TMEM248: variants seen among roughly 807,000 people sequenced by gnomAD.
The protein encoded by TMEM248 is transmembrane protein 248.
TMEM248 carries 9 observed loss-of-function variants against 30.3 expected under a neutral mutation model. The ratio of observed to expected loss-of-function variants is 0.30; its 90% confidence interval spans 0.18 to 0.52. The LOEUF is 0.52. Among genes scored for constraint, TMEM248 ranks in the 20% least tolerant of loss-of-function variants. The probability of loss-of-function intolerance (pLI) is 0.97; values close to 1 mark genes in which losing one functional copy is unlikely to be tolerated. For synonymous variants in TMEM248, 184 were observed against 154.4 expected (o/e 1.19, Z -1.42); for missense variants, 338 against 403.3 (o/e 0.84, Z 1.39).
At chr7:66,944,534 A>T (rs1792044203) in intron 2 of TMEM248, among the ~76,000 whole-genome samples, 1 of 152,218 alleles carries the variant, frequency 6.6e-6, no homozygotes, top group Non-Finnish European at 1.5e-5. Flanking sequence ...AGGTGTATGG[A>T]ATTGACCTTT....
chr7:66,938,055 T>C (rs1423959581), intron 1 of TMEM248, among the ~76,000 whole-genome samples: 2 of 152,148 alleles, frequency 1.3e-5, no homozygotes, highest in African/African-American at 4.8e-5. Flanking sequence ...ATGTGTGTCT[T>C]TATAGGTAGG....
At chr7:66,945,958 C>A (rs919820598) in intron 3 of TMEM248, among the ~76,000 whole-genome samples, 1 of 152,140 alleles carries the variant, frequency 6.6e-6, no homozygotes, top group Non-Finnish European at 1.5e-5. Flanking sequence ...GTGGCAGGCA[C>A]CTGTAGTCCC....
At chr7:66,922,996 C>T (rs561469821) in intron 1 of TMEM248, among the ~76,000 whole-genome samples, 2 of 151,680 alleles carry the variant, frequency 1.3e-5, no homozygotes, top group African/African-American at 4.8e-5. Context: ...GTGAACCACC[C>T]GCACCTGGCA....
At chr7:66,939,077 TATC>T (rs1229531816) in intron 1 of TMEM248, among the ~76,000 whole-genome samples, 1 of 152,190 alleles carries the variant, frequency 6.6e-6, no homozygotes, top group African/African-American at 2.4e-5. Context: ...ATAATAGAGA[TATC>T]ATTTCACATC....
At chr7:66,948,879 A>G (rs1023368425) in intron 4 of TMEM248, among the ~76,000 whole-genome samples, 185 bp downstream of exon 4, 2 of 152,256 alleles carry the variant, frequency 1.3e-5, no homozygotes, top group African/African-American at 4.8e-5. Context: ...TTGGAATTCT[A>G]AAGATAGAAC....
intron 1 of TMEM248, chr7:66,921,952 A>C (rs1791397011): frequency 1.3e-5 from 2 of 152,184 alleles, no homozygotes; most frequent in African/African-American, 4.8e-5. Context: ...TTCTTTCTTC[A>C]TGTTTTTAAT....
chr7:66,948,433 TG>T, intron 3 of TMEM248, 110 bp from the exon 4 acceptor site: 2 of 1,321,994 alleles, frequency 1.5e-6, no homozygotes, highest in Non-Finnish European at 2.1e-6. Flanking sequence ...GGCAGGTGCC[TG>T]GGCTGATAGA....
chr7:66,932,205 T>C (rs534628450), intron 1 of TMEM248, among the ~76,000 whole-genome samples: 1 of 151,978 alleles, frequency 6.6e-6, no homozygotes, highest in Non-Finnish European at 1.5e-5. Context: ...CGCGATTCCT[T>C]TTGCACCAAC....
Position 66,945,026 on chromosome 7 carries a change from A to G in TMEM248, c.210A>G (p.Ser70=). 1 of 1,614,246 alleles carries G rather than the reference A, an allele frequency of 6.2e-7. No individual in the cohort carries two copies. Among genetic ancestry groups the G allele is most frequent in the Non-Finnish European group, 8.5e-7 (1 of 1,180,052 alleles). ...LRFNDLDLCV[S]ENETLKHLTN... ...TCAATGATTTGGACTTGTGTGTATC[A>G]GAGAATGAAACCCTCAAGCATCTCA... is the stretch of plus-strand genomic sequence containing the variant. The change falls in exon 3 of 7, where the codon TCA becomes TCG. Residue 70 remains serine, a synonymous_variant. Coordinates refer to ENST00000341567, the MANE Select transcript of TMEM248 (RefSeq NM_017994.5).
At chr7:66,933,091 C>T (rs1003066198) in intron 1 of TMEM248, among the ~76,000 whole-genome samples, 4 of 152,128 alleles carry the variant, frequency 2.6e-5, no homozygotes, top group African/African-American at 9.7e-5. Context: ...AACTCCTGAC[C>T]TCAGGTGATC....
At chr7:66,934,135 A>G (rs1402726090) in intron 1 of TMEM248, among the ~76,000 whole-genome samples, 2 of 151,466 alleles carry the variant, frequency 1.3e-5, no homozygotes, top group Non-Finnish European at 2.9e-5. Flanking sequence ...AGGAATTTTA[A>G]GTTTGTAAAA....
At chr7:66,942,972 C>T (rs1354518511) in intron 2 of TMEM248, among the ~76,000 whole-genome samples, 4 of 150,794 alleles carry the variant, frequency 2.7e-5, no homozygotes, top group Non-Finnish European at 5.9e-5. Context: ...GAGATCGTAG[C>T]TTTCTCTCAT....
At chr7:66,937,972 C>T (rs549583306) in intron 1 of TMEM248, among the ~76,000 whole-genome samples, 4 of 152,254 alleles carry the variant, frequency 2.6e-5, no homozygotes, top group Non-Finnish European at 4.4e-5. Flanking sequence ...GTGATCTGCC[C>T]ACCTCAGCCT....
In TMEM248 at chr7:66,941,854, C is replaced by G; in HGVS notation, c.-12C>G. On this transcript the variant is annotated 5_prime_UTR_variant, in exon 2 of 7. Transcript: ENST00000341567. ...TCTGATTCATTTCTTTCAGGTGGAGCTGATCAGAATAATGTTCAGCATCAA... is the reference window on the plus strand; with the variant it reads ...TCTGATTCATTTCTTTCAGGTGGAGGTGATCAGAATAATGTTCAGCATCAA... 1 of 1,607,480 alleles carries G rather than the reference C, an allele frequency of 6.2e-7. No individual in the cohort carries two copies. The highest frequency in any genetic ancestry group is 2.2e-5 in the East Asian group (1 of 44,702).
At chr7:66,949,273 G>A (rs1361566247) in intron 4 of TMEM248, among the ~76,000 whole-genome samples, 1 of 152,148 alleles carries the variant, frequency 6.6e-6, no homozygotes, top group East Asian at 1.9e-4. Context: ...GATCACCTGA[G>A]GTCAGGAGTT....
chr7:66,951,890 G>A (rs184220678), intron 5 of TMEM248, among the ~76,000 whole-genome samples: 4 of 152,022 alleles, frequency 2.6e-5, no homozygotes, highest in African/African-American at 7.2e-5. Flanking sequence ...TTGAACCCCT[G>A]GTCTCAAGCG....
rs1445642855 is a variant in TMEM248, at chr7:66,956,859, G to C, written c.*1337G>C. The C allele has an allele frequency of 6.6e-6, 1 of 151,878 alleles. No homozygotes were observed. The highest frequency in any genetic ancestry group is 1.5e-5 in the Non-Finnish European group (1 of 67,992). 9.4% of individuals were successfully genotyped at this position (151,878 alleles called of 1,614,324 possible). On this transcript the variant is annotated 3_prime_UTR_variant, in exon 7 of 7. Transcript: ENST00000341567. ...TGGCTAATTTTAAAATTTTTTTGTA[G>C]AGACAGAGTCTCCCTCTGTTGCCCA...
intron 1 of TMEM248, among the ~76,000 whole-genome samples, chr7:66,921,688 G>T (rs1791389022): frequency 6.6e-6 from 1 of 152,264 alleles, no homozygotes; most frequent in South Asian, 2.1e-4. Flanking sequence ...CCGAGCCAGG[G>T]TTCCCTGCCG....
chr7:66,950,736 C>T (rs1792240826), intron 4 of TMEM248, among the ~76,000 whole-genome samples: 1 of 152,148 alleles, frequency 6.6e-6, no homozygotes, highest in Non-Finnish European at 1.5e-5. Flanking sequence ...ATGTCAGGCA[C>T]CTATTTATTT....
Sources: allele counts gnomAD v4.1 joint callset (sites outside exome capture counted in the v4.1 genomes callset), GRCh38; gene constraint gnomAD v4.1.1; transcripts MANE v1.5; gene names NCBI Gene and HGNC (gene_info 2026-07-23, HGNC 2026-07-21).